ZNF112: variants seen among roughly 807,000 people sequenced by gnomAD.
The protein encoded by ZNF112 is zinc finger protein 112 (Y14).
A neutral mutation model predicts 77.7 loss-of-function variants in ZNF112; 37 were observed. That is an observed-to-expected ratio of 0.48 (90% CI 0.37 to 0.63). The LOEUF (loss-of-function observed/expected upper bound fraction) is 0.63. ZNF112 is among the 20% of genes least tolerant of loss of function. The probability of loss-of-function intolerance (pLI) is 0.00; values close to 1 mark genes in which losing one functional copy is unlikely to be tolerated. For synonymous variants in ZNF112, 333 were observed against 363.6 expected (o/e 0.92, Z 0.96); for missense variants, 950 against 1,077.4 (o/e 0.88, Z 1.66).
chr19:44,343,010 G>A (rs1232312353), intron 1 of ZNF112, among the ~76,000 whole-genome samples: 2 of 152,014 alleles, frequency 1.3e-5, no homozygotes. Flanking sequence ...GGGTAATAAG[G>A]TGTAGGATTT....
chr19:44,334,222 T>C (rs1436062100), intron 3 of ZNF112, among the ~76,000 whole-genome samples: 2 of 152,218 alleles, frequency 1.3e-5, no homozygotes, highest in African/African-American at 4.8e-5. Context: ...ACTTTGAACT[T>C]GATAGGGATG....
chr19:44,329,025 C>T lies in ZNF112; in HGVS notation c.1132G>A (p.Asp378Asn). The T allele has an allele frequency of 6.2e-7, 1 of 1,613,836 alleles. No homozygotes were observed. The highest frequency in any genetic ancestry group is 1.7e-4 in the Middle Eastern group (1 of 6,058). ...LNSIFRVHTR[D>N]EPHEYEENEN... ...TTTTCCTCATATTCATGGGGTTCAT[C>T]CCTAGTATGGACCCTAAAAATACTA... The change falls in exon 4 of 4, where the codon GAT becomes AAT. Residue 378 changes from aspartate to asparagine, a missense_variant. Physicochemically the swap from Asp to Asn is conservative, Grantham distance 23 (BLOSUM62 1). This residue lies in a region of ZNF112 where 560 missense variants were observed against 557.3 expected (regional missense o/e 1.00). Coordinates refer to ENST00000354340, the MANE Select transcript of ZNF112 (RefSeq NM_013380.4).
At chr19:44,355,254 CAA>C (rs1568677977) in intron 1 of ZNF112, among the ~76,000 whole-genome samples, 3 of 151,944 alleles carry the variant, frequency 2.0e-5, no homozygotes, top group Admixed American at 6.5e-5. Flanking sequence ...GGTGAAAATC[CAA>C]AAAGAAGTCT....
chr19:44,326,678 A>G lies in ZNF112; in HGVS notation c.*755T>C, dbSNP rs1970127646. On this transcript the variant is annotated 3_prime_UTR_variant, in exon 4 of 4. Coordinates refer to ENST00000354340, the MANE Select transcript of ZNF112 (RefSeq NM_013380.4). ...GAGTAGAAAATCAATTATGTAAAAT[A>G]CAGTGTTCCATTTTTGCAACATTAA... 6.6e-6 allele frequency: 1 copy of G among 152,224 alleles called. No individual in the cohort carries two copies. Among genetic ancestry groups the G allele is most frequent in the Non-Finnish European group, 1.5e-5 (1 of 68,038 alleles). 9.4% of individuals were successfully genotyped at this position (152,224 alleles called of 1,614,324 possible).
chr19:44,340,615 G>A, intron 1 of ZNF112, 73 bp from the exon 2 acceptor site: 1 of 1,608,058 alleles, frequency 6.2e-7, no homozygotes, highest in South Asian at 1.1e-5. Context: ...AGGACTGGAA[G>A]CTGTTCTGGA....
rs756944277 is a variant in ZNF112, at chr19:44,329,171, T to G, written c.986A>C (p.Glu329Ala). The change falls in exon 4 of 4, where the codon GAA becomes GCA. Residue 329 changes from glutamate to alanine, a missense_variant. Physicochemically the swap from Glu to Ala is moderately radical, Grantham distance 107 (BLOSUM62 -1). Around this residue, in one of 3 missense-constraint regions of ZNF112, gnomAD observed 560 missense variants for 557.3 expected, o/e 1.00. Transcript: ENST00000354340. Reference protein sequence around the residue: ...HTEEKPCKCGEYGENFNHCSP... With the variant: ...HTEEKPCKCGAYGENFNHCSP... ...ACAGTGATTGAAGTTCTCACCATAT[T>G]CACCACATTTGCATGGTTTCTCCTC... 4 of 1,613,936 alleles carry G rather than the reference T, an allele frequency of 2.5e-6. No individual in the cohort carries two copies. The highest frequency in any genetic ancestry group is 3.4e-6 in the Non-Finnish European group (4 of 1,180,004).
intron 1 of ZNF112, among the ~76,000 whole-genome samples, chr19:44,355,526 A>G (rs1370201885): frequency 6.6e-6 from 1 of 152,202 alleles, no homozygotes; most frequent in Non-Finnish European, 1.5e-5. Flanking sequence ...AGCTGATACT[A>G]AACACATCAA....
chr19:44,353,778 T>A (rs1281538075), intron 1 of ZNF112, among the ~76,000 whole-genome samples: 1 of 152,088 alleles, frequency 6.6e-6, no homozygotes, highest in Non-Finnish European at 1.5e-5. Flanking sequence ...ACTTTCTACA[T>A]CATTAGTGAG....
chr19:44,334,560 CCTGAAGGCCT>C (rs995896310), intron 3 of ZNF112, among the ~76,000 whole-genome samples: 45 of 152,236 alleles, frequency 3.0e-4, no homozygotes, highest in African/African-American at 1.1e-3. Flanking sequence ...CTACCACAGG[CCTGAAGGCCT>C]AGGAGGGAAA....
chr19:44,341,596 AGT>A (rs1970491359), intron 1 of ZNF112, among the ~76,000 whole-genome samples: 1 of 152,230 alleles, frequency 6.6e-6, no homozygotes, highest in African/African-American at 2.4e-5. Context: ...AAATTTGGGA[AGT>A]AAAAATCATT....
chr19:44,340,661 T>G, intron 1 of ZNF112, 119 bp from the exon 2 acceptor site: 113 of 1,407,596 alleles, frequency 8.0e-5, no homozygotes, highest in Non-Finnish European at 1.0e-4. Flanking sequence ...CATAGTTCTC[T>G]TCTGTTTACC....
intron 1 of ZNF112, among the ~76,000 whole-genome samples, chr19:44,347,520 T>A (rs1413842372): frequency 1.4e-5 from 2 of 146,752 alleles, no homozygotes; most frequent in Non-Finnish European, 3.0e-5. Flanking sequence ...ATTCCATTCA[T>A]TGTATCTATT....
intron 1 of ZNF112, among the ~76,000 whole-genome samples, chr19:44,363,136 A>AT (rs34770333): frequency 0.02 from 2,990 of 148,530 alleles, 94 homozygotes; most frequent in African/African-American, 0.069. Context: ...CACATGGCTA[A>AT]TTTTTTTTTT....
chr19:44,336,495 A>C (rs1164926500), intron 3 of ZNF112, 128 bp downstream of exon 3: 1 of 735,174 alleles, frequency 1.4e-6, no homozygotes, highest in African/African-American at 1.7e-5. Context: ...AGACCACTTT[A>C]AGTACTTTAA....
At chr19:44,350,013 G>GC (rs1470672475) in intron 1 of ZNF112, among the ~76,000 whole-genome samples, 2 of 152,066 alleles carry the variant, frequency 1.3e-5, no homozygotes, top group African/African-American at 4.8e-5. Context: ...AGTCGATATG[G>GC]AACAACCACA....
chr19:44,333,170 A>C (rs1171081440), intron 3 of ZNF112, among the ~76,000 whole-genome samples: 3 of 152,246 alleles, frequency 2.0e-5, no homozygotes, highest in Non-Finnish European at 4.4e-5. Flanking sequence ...GATCAATTCA[A>C]TAACAAAGGT....
At chr19:44,338,722 A>G (rs182867873) in intron 2 of ZNF112, among the ~76,000 whole-genome samples, 114 of 152,352 alleles carry the variant, frequency 7.5e-4, no homozygotes, top group Admixed American at 1.7e-3. Flanking sequence ...CAGAACAACT[A>G]TACTAGACTC....
chr19:44,328,874 T>C lies in ZNF112; in HGVS notation c.1283A>G (p.His428Arg), dbSNP rs1970198702. The C allele has an allele frequency of 1.2e-6, 2 of 1,613,936 alleles. No individual in the cohort carries two copies. Among genetic ancestry groups the C allele is most frequent in the East Asian group, 2.2e-5 (1 of 44,890 alleles). The change falls in exon 4 of 4, where the codon CAT becomes CGT. Residue 428 changes from histidine to arginine, a missense_variant. Physicochemically the swap from His to Arg is conservative, Grantham distance 29. This residue lies in a region of ZNF112 where 560 missense variants were observed against 557.3 expected (regional missense o/e 1.00). Transcript: ENST00000354340. ...FICSSNLDIQ[H>R]RVHMEENSYN... ...TGAATTCTCTTCCATATGAACCCTA[T>C]GCTGAATGTCAAGATTTGAACTACA...
chr19:44,327,013 C>T lies in ZNF112; in HGVS notation c.*420G>A, dbSNP rs1047949. 0.076 allele frequency: 11,847 copies of T among 155,178 alleles called. 672 individuals carry two copies. Among genetic ancestry groups the T allele is most frequent in the African/African-American group, 0.15 (6,128 of 41,556 alleles). The allele number at this position is 155,178 out of a possible 1,614,324, so 9.6% of individuals were successfully genotyped here. A position where few individuals can be genotyped will look rare whatever the true frequency, so the allele number is the denominator to read the frequency against. On this transcript the variant is annotated 3_prime_UTR_variant, in exon 4 of 4. Coordinates refer to ENST00000354340, the MANE Select transcript of ZNF112 (RefSeq NM_013380.4). ...AATACATTTTAAGTTTTAAAAAATGCGCTTAAAAATTTCAAACCTTTTACC... is the reference window on the plus strand; with the variant it reads ...AATACATTTTAAGTTTTAAAAAATGTGCTTAAAAATTTCAAACCTTTTACC...
Sources: allele counts gnomAD v4.1 joint callset (sites outside exome capture counted in the v4.1 genomes callset), GRCh38; gene constraint gnomAD v4.1.1; regional missense constraint gnomAD v4.1.1; transcripts MANE v1.5; gene names NCBI Gene and HGNC (gene_info 2026-07-23, HGNC 2026-07-21).